NXPH1: variants seen among roughly 807,000 people sequenced by gnomAD.
The protein encoded by NXPH1 is neurexophilin-1.
In NXPH1, 5 loss-of-function variants were observed where a neutral mutation model predicts 23.7. The observed-to-expected ratio is 0.21, with a 90% CI of 0.11 to 0.44. The LOEUF (loss-of-function observed/expected upper bound fraction) is 0.44, where lower values mean the gene tolerates loss of function less well. Ranked by LOEUF, NXPH1 falls within the 20% of genes least tolerant of loss-of-function variation. The pLI, the probability that NXPH1 is intolerant of heterozygous loss-of-function variation, is 0.99. For synonymous variants in NXPH1, 144 were observed against 122.2 expected, an observed-to-expected ratio of 1.18 and a Z score of -1.18; for missense variants, 324 against 321.6, an observed-to-expected ratio of 1.01 and a Z score of -0.06.
At chr7:8,459,983 T>G (rs781450050) in intron 2 of NXPH1, among the ~76,000 whole-genome samples, 1 of 152,204 alleles carries the variant, frequency 6.6e-6, no homozygotes, top group Non-Finnish European at 1.5e-5. Flanking sequence ...ATTGAATAAG[T>G]GACTTTCTGT....
chr7:8,657,855 C>A (rs1820606035), intron 2 of NXPH1, among the ~76,000 whole-genome samples: 1 of 152,298 alleles, frequency 6.6e-6, no homozygotes, highest in East Asian at 1.9e-4. Flanking sequence ...TGGCGAAACA[C>A]TGTCTCTATT....
At chr7:8,486,263 C>G (rs762809082) in intron 2 of NXPH1, among the ~76,000 whole-genome samples, 1 of 152,088 alleles carries the variant, frequency 6.6e-6, no homozygotes, top group Non-Finnish European at 1.5e-5. Context: ...GTAGGAAGAC[C>G]TAGAGGAGTA....
chr7:8,651,886 A>G (rs1045536531), intron 2 of NXPH1, among the ~76,000 whole-genome samples: 5 of 152,156 alleles, frequency 3.3e-5, no homozygotes, highest in South Asian at 2.1e-4. Context: ...TGTGTAGTCT[A>G]TTAATTTTCG....
intron 2 of NXPH1, among the ~76,000 whole-genome samples, chr7:8,597,327 T>TG (rs1168656514): frequency 6.6e-6 from 1 of 152,012 alleles, no homozygotes; most frequent in Non-Finnish European, 1.5e-5. Flanking sequence ...TGGACAGACG[T>TG]GGTGGCTGGG....
chr7:8,574,166 T>G (rs1338560831), intron 2 of NXPH1, among the ~76,000 whole-genome samples: 6 of 152,180 alleles, frequency 3.9e-5, no homozygotes, highest in African/African-American at 1.2e-4. Context: ...TTTGCACCTT[T>G]TCCCTAAGTG....
chr7:8,459,640 A>C (rs1816658480), intron 2 of NXPH1, among the ~76,000 whole-genome samples: 1 of 152,176 alleles, frequency 6.6e-6, no homozygotes, highest in Non-Finnish European at 1.5e-5. Context: ...CCAGTCTACT[A>C]AACTTTTCCA....
At chr7:8,627,050 A>G (rs551690856) in intron 2 of NXPH1, among the ~76,000 whole-genome samples, 4 of 152,100 alleles carry the variant, frequency 2.6e-5, no homozygotes, top group Non-Finnish European at 5.9e-5. Flanking sequence ...TGTCTATTAT[A>G]TTAATTAGAC....
intron 2 of NXPH1, among the ~76,000 whole-genome samples, chr7:8,676,967 T>G (rs1820962761): frequency 6.6e-6 from 1 of 152,212 alleles, no homozygotes; most frequent in African/African-American, 2.4e-5. Flanking sequence ...AAATTTACAC[T>G]GTTCAGCAAA....
chr7:8,745,797 G>T (rs1434006338), intron 2 of NXPH1, among the ~76,000 whole-genome samples: 1 of 130,632 alleles, frequency 7.7e-6, no homozygotes, highest in Non-Finnish European at 1.5e-5. Context: ...CTGATCTCTT[G>T]ACCTCTTTAT....
At chr7:8,535,709 T>A (rs1818015936) in intron 2 of NXPH1, among the ~76,000 whole-genome samples, 1 of 151,924 alleles carries the variant, frequency 6.6e-6, no homozygotes. Context: ...AGAGAGTGAC[T>A]GGGGTGTTCT....
chr7:8,664,645 G>T (rs962319000), intron 2 of NXPH1, among the ~76,000 whole-genome samples: 1 of 151,866 alleles, frequency 6.6e-6, no homozygotes, highest in African/African-American at 2.4e-5. Context: ...ATATTCCCAC[G>T]AACAGTATTC....
intron 2 of NXPH1, among the ~76,000 whole-genome samples, chr7:8,710,413 T>G (rs73053922): frequency 0.12 from 17,894 of 152,146 alleles, 1,260 homozygotes; most frequent in East Asian, 0.22. Flanking sequence ...GAGGGATAGT[T>G]TACTAATGTG....
intron 2 of NXPH1, among the ~76,000 whole-genome samples, chr7:8,461,235 T>A (rs1816689014): frequency 2.0e-5 from 3 of 152,202 alleles, no homozygotes; most frequent in Admixed American, 1.3e-4. Context: ...TCTGTCACAT[T>A]ACATGGTTAG....
At chr7:8,477,577 A>G (rs1274085464) in intron 2 of NXPH1, among the ~76,000 whole-genome samples, 2 of 152,126 alleles carry the variant, frequency 1.3e-5, no homozygotes, top group African/African-American at 4.8e-5. Flanking sequence ...AATGTGCCTA[A>G]TTTTCTCACA....
intron 2 of NXPH1, among the ~76,000 whole-genome samples, chr7:8,749,716 T>G (rs539497554): frequency 5.6e-4 from 86 of 152,294 alleles, no homozygotes; most frequent in East Asian, 5.8e-4. Flanking sequence ...AAGTCTATTG[T>G]GAAATGTGGC....
rs543223583 is a variant in NXPH1, at chr7:8,636,166, A to C, written c.55-114842A>C. Among the ~76,000 whole-genome samples, 8 of 152,234 alleles carry C rather than the reference A, an allele frequency of 5.3e-5. No homozygotes were observed. In the South Asian group the frequency reaches 8.3e-4, roughly 16 times the overall value. ...AAAAGGATTGTGTTTGTGCTTACATACTCAGGAGACTCTTTCACTCAATAG... is the reference window on the plus strand; with the variant it reads ...AAAAGGATTGTGTTTGTGCTTACATCCTCAGGAGACTCTTTCACTCAATAG... On this transcript the variant is annotated intron_variant, in intron 2 of 2. Coordinates refer to ENST00000405863, the MANE Select transcript of NXPH1 (RefSeq NM_152745.3).
chr7:8,455,298 A>G (rs1376224859), intron 2 of NXPH1, among the ~76,000 whole-genome samples: 2 of 152,184 alleles, frequency 1.3e-5, no homozygotes, highest in African/African-American at 2.4e-5. Context: ...ACTTGTGGCC[A>G]CTTTAAACGA....
intron 2 of NXPH1, among the ~76,000 whole-genome samples, chr7:8,587,022 T>C (rs1584251487): frequency 6.6e-6 from 1 of 152,166 alleles, no homozygotes; most frequent in African/African-American, 2.4e-5. Flanking sequence ...AATGGGATCA[T>C]GCTATACCCG....
At chr7:8,685,247 G>GT (rs113333715) in intron 2 of NXPH1, among the ~76,000 whole-genome samples, 14,788 of 141,430 alleles carry the variant, frequency 0.1, 1,128 homozygotes, top group African/African-American at 0.22. Flanking sequence ...AGCCAAATGA[G>GT]TTTTTTTTTT....
Sources: gnomAD v4.1 joint callset for allele counts (sites outside exome capture counted in the v4.1 genomes callset) on GRCh38, gnomAD v4.1.1 for gene constraint, MANE v1.5 for transcripts, NCBI Gene and HGNC (gene_info 2026-07-23, HGNC 2026-07-21) for gene names.